The following MTFR1 variants were observed in gnomAD, a reference collection of about 807,000 sequenced individuals.
The protein encoded by MTFR1 is mitochondrial fission regulator 1, also known as chondrocyte protein with a poly-proline region.
In MTFR1, 28 loss-of-function variants were observed where a neutral mutation model predicts 38.8. The ratio of observed to expected loss-of-function variants is 0.72; its 90% CI spans 0.53 to 0.99. The LOEUF (loss-of-function observed/expected upper bound fraction) is 0.99, where lower values mean the gene tolerates loss of function less well. Ranked by LOEUF, MTFR1 falls within the 50% of genes least tolerant of loss-of-function variation. MTFR1 has a pLI of 0.00. For missense variants in MTFR1, 358 were observed against 395.5 expected (o/e 0.91, Z 0.81); for synonymous variants, 145 against 137.0 (o/e 1.06, Z -0.41).
chr8:65,747,830 T>C (rs369297418), intron 3 of MTFR1: 2 of 1,528,694 alleles, frequency 1.3e-6, no homozygotes, highest in Non-Finnish European at 1.8e-6. Flanking sequence ...AAAAGGTAAG[T>C]ATAGCAAGTT....
At chr8:65,741,185 G>A (rs137912774) in intron 3 of MTFR1, among the ~76,000 whole-genome samples, 36 of 152,100 alleles carry the variant, frequency 2.4e-4, no homozygotes, top group African/African-American at 8.0e-4. Flanking sequence ...AATAGACCAC[G>A]TTTTAAATAG....
chr8:65,682,759 T>C, intron 3 of MTFR1: 1 of 985,234 alleles, frequency 1.0e-6, no homozygotes, highest in Non-Finnish European at 1.2e-6. Flanking sequence ...TTATTCCAGG[T>C]GCTTCATGTA....
At chr8:65,677,068 CTTTTTT>C (rs1166560010) in intron 2 of MTFR1, among the ~76,000 whole-genome samples, 65 of 100,106 alleles carry the variant, frequency 6.5e-4, no homozygotes, top group African/African-American at 1.2e-3. Flanking sequence ...CTATTTCTCT[CTTTTTT>C]TTTTTTTTTT....
chr8:65,644,519 A>T (rs142284275), upstream of MTFR1, among the ~76,000 whole-genome samples: 21 of 152,390 alleles, frequency 1.4e-4, no homozygotes, highest in African/African-American at 4.8e-4. Context: ...GTGAAGGCAC[A>T]AAGCAAGGTC....
chr8:65,688,451 C>CT (rs199865141), intron 3 of MTFR1, among the ~76,000 whole-genome samples: 28,963 of 130,358 alleles, frequency 0.22, 4,033 homozygotes, highest in East Asian at 0.57. Flanking sequence ...TTTTTCTTTT[C>CT]TTTTTTTTTT....
chr8:65,700,369 A>AG (rs1805579566), intron 4 of MTFR1, among the ~76,000 whole-genome samples: 1 of 151,662 alleles, frequency 6.6e-6, no homozygotes, highest in African/African-American at 2.4e-5. Flanking sequence ...AAAAAAAAGA[A>AG]AAAAGAAAAC....
chr8:65,737,422 CT>C (rs1279921578), intron 3 of MTFR1, among the ~76,000 whole-genome samples: 1 of 152,174 alleles, frequency 6.6e-6, no homozygotes, highest in Non-Finnish European at 1.5e-5. Flanking sequence ...TGAGAATTTA[CT>C]GCAAAATTGT....
At chr8:65,691,383 G>C (rs918245674) in intron 3 of MTFR1, among the ~76,000 whole-genome samples, 3 of 152,104 alleles carry the variant, frequency 2.0e-5, no homozygotes, top group African/African-American at 7.2e-5. Flanking sequence ...TGCCTCCTGG[G>C]TTCAAATGAT....
chr8:65,757,112 C>T (rs1808270340), intron 3 of MTFR1, among the ~76,000 whole-genome samples: 1 of 152,068 alleles, frequency 6.6e-6, no homozygotes, highest in East Asian at 1.9e-4. Flanking sequence ...AGCATTCCTT[C>T]CCCCAAGGTA....
intron 6 of MTFR1, among the ~76,000 whole-genome samples, chr8:65,707,588 G>T (rs957120863): frequency 6.6e-6 from 1 of 152,182 alleles, no homozygotes; most frequent in African/African-American, 2.4e-5. Flanking sequence ...CATGGAACAG[G>T]GAACTCTATT....
chr8:65,646,381 A>G (rs1353676129), intron 1 of MTFR1, among the ~76,000 whole-genome samples: 1 of 152,174 alleles, frequency 6.6e-6, no homozygotes, highest in Non-Finnish European at 1.5e-5. Flanking sequence ...ACAATGTCCT[A>G]GGAGTTGTGG....
intron 2 of MTFR1, chr8:65,718,363 C>A (rs879017640): frequency 1.3e-5 from 2 of 152,254 alleles, no homozygotes; most frequent in African/African-American, 4.8e-5. Context: ...TACCCTTGAT[C>A]TGAAGGACAC....
chr8:65,763,391 C>T (rs1808608290), intron 3 of MTFR1, among the ~76,000 whole-genome samples: 1 of 152,014 alleles, frequency 6.6e-6, no homozygotes, highest in Non-Finnish European at 1.5e-5. Context: ...CATGGTGAAA[C>T]CCTGTCTCTA....
At chr8:65,774,554 CTT>C (rs1563502100), downstream of MTFR1, among the ~76,000 whole-genome samples, 5 of 151,904 alleles carry the variant, frequency 3.3e-5, no homozygotes, top group South Asian at 1.0e-3. Context: ...ACCCAAATAA[CTT>C]TAACTTTATA....
chr8:65,692,761 G>T (rs1333111418), intron 3 of MTFR1, among the ~76,000 whole-genome samples: 2 of 151,638 alleles, frequency 1.3e-5, no homozygotes, highest in Non-Finnish European at 2.9e-5. Context: ...AAATTTAGGG[G>T]ATTTAAGGAG....
At chr8:65,744,232 AAAC>A (rs1013609507) in intron 3 of MTFR1, among the ~76,000 whole-genome samples, 11 of 151,990 alleles carry the variant, frequency 7.2e-5, no homozygotes, top group Admixed American at 2.0e-4. Flanking sequence ...AAACAAAACA[AAAC>A]AACAAAAAAA....
chr8:65,647,997 A>G lies in MTFR1; in HGVS notation c.-81+3213A>G, dbSNP rs1013479342. Among the ~76,000 whole-genome samples, 22 of 151,364 alleles carry G rather than the reference A, an allele frequency of 1.5e-4. No individual in the cohort carries two copies. In the South Asian group the frequency reaches 2.9e-3, roughly 20 times the overall value. ...CTATTTTTCCATTGGGCTTTTGATCATTTGTTTGTTTGTTTGTTTGTTTGT... is the reference window on the plus strand; with the variant it reads ...CTATTTTTCCATTGGGCTTTTGATCGTTTGTTTGTTTGTTTGTTTGTTTGT... On this transcript the variant is annotated intron_variant, in intron 1 of 7. Coordinates refer to ENST00000262146, the MANE Select transcript of MTFR1 (RefSeq NM_014637.4).
At chr8:65,650,131 G>C (rs981510891) in intron 1 of MTFR1, among the ~76,000 whole-genome samples, 1 of 151,494 alleles carries the variant, frequency 6.6e-6, no homozygotes, top group Non-Finnish European at 1.5e-5. Context: ...GAGCCACCAT[G>C]CCCAGCCTAA....
chr8:65,671,816 T>C (rs1804574321), intron 2 of MTFR1, among the ~76,000 whole-genome samples: 1 of 152,218 alleles, frequency 6.6e-6, no homozygotes. Context: ...GTCTGCAAAG[T>C]AGCTGTAAGA....
Sources: allele counts gnomAD v4.1 joint callset (sites outside exome capture counted in the v4.1 genomes callset), GRCh38; gene constraint gnomAD v4.1.1; transcripts MANE v1.5; gene names NCBI Gene and HGNC (gene_info 2026-07-23, HGNC 2026-07-21).